GARS1: variants seen among roughly 807,000 people sequenced by gnomAD.
GARS1 encodes the protein glycine--tRNA ligase.
Under a neutral mutation model 86.4 loss-of-function variants are expected in GARS1, and 46 were observed. The observed-to-expected ratio is 0.53, with a 90% CI of 0.42 to 0.68. The LOEUF (loss-of-function observed/expected upper bound fraction) is 0.68, where lower values mean the gene tolerates loss of function less well. GARS1 is among the 30% of genes least tolerant of loss of function. The pLI is 0.00. For synonymous variants in GARS1, 342 were observed against 329.8 expected (o/e 1.04, Z -0.40); for missense variants, 797 against 915.6 (o/e 0.87, Z 1.67).
At chr7:30,600,511 T>A (rs1463022687) in intron 3 of GARS1, among the ~76,000 whole-genome samples, 1 of 152,194 alleles carries the variant, frequency 6.6e-6, no homozygotes, top group East Asian at 1.9e-4. Context: ...CATATGAAGG[T>A]ATATAGGCAA....
intron 6 of GARS1, among the ~76,000 whole-genome samples, chr7:30,604,690 T>C (rs1212924870): frequency 1.3e-5 from 2 of 152,224 alleles, no homozygotes; most frequent in African/African-American, 4.8e-5. Flanking sequence ...TTGAAGCTCA[T>C]TGTTTTAGTA....
Position 30,633,883 on chromosome 7 carries a change from C to T in GARS1, c.*23C>T. 3 of 1,549,808 alleles carry T rather than the reference C, an allele frequency of 1.9e-6. No homozygotes were observed. Among genetic ancestry groups the T allele is most frequent in the Non-Finnish European group, 2.6e-6 (3 of 1,144,162 alleles). On this transcript the variant is annotated 3_prime_UTR_variant, in exon 17 of 17. Coordinates refer to ENST00000389266, the MANE Select transcript of GARS1 (RefSeq NM_002047.4). ...TGAGGACAATTTTGACAACTTTTGA[C>T]CACTTGCGCTAATAAAAAAAAAAAA...
At chr7:30,601,351 A>C (rs1044679573) in intron 4 of GARS1, 151 bp downstream of exon 4, 13 of 691,068 alleles carry the variant, frequency 1.9e-5, no homozygotes, top group Non-Finnish European at 2.6e-5. Context: ...AAAGAAATGT[A>C]TACCTTCTGC....
chr7:30,610,368 T>G (rs1338837299), intron 7 of GARS1, among the ~76,000 whole-genome samples: 1 of 152,242 alleles, frequency 6.6e-6, no homozygotes, highest in African/African-American at 2.4e-5. Context: ...ATTGGAATCT[T>G]TATCTTCTGA....
At chr7:30,616,419 A>G (rs1351500168) in intron 9 of GARS1, among the ~76,000 whole-genome samples, 1 of 152,202 alleles carries the variant, frequency 6.6e-6, no homozygotes, top group Admixed American at 6.5e-5. Flanking sequence ...ACTCTTCTGT[A>G]TTACCCATAG....
Position 30,594,973 on chromosome 7 carries a change from C to A in GARS1, c.52C>A (p.Leu18Met), listed in dbSNP as rs368574634. Residue 18 changes from leucine to methionine, a missense_variant, in exon 1 of 17, where the codon CTG (leucine) becomes ATG (methionine). Leu to Met is a conservative substitution (Grantham distance 15). Transcript: ENST00000389266. ...TAGAGGTGCTCGCGCCGCTCTGCTGCTGCTGCTGCCGCCCCGGCTCTTAGC... is the reference window on the plus strand; with the variant it reads ...TAGAGGTGCTCGCGCCGCTCTGCTGATGCTGCTGCCGCCCCGGCTCTTAGC... ...LLRGARAALL[L>M]LLPPRLLARP... The A allele has an allele frequency of 5.6e-6, 9 of 1,595,172 alleles. No individual in the cohort carries two copies. In the African/African-American group the frequency reaches 1.2e-4, roughly 21 times the overall value.
chr7:30,626,232 A>G lies in GARS1; in HGVS notation c.1614-2A>G. On this transcript the variant is annotated splice_acceptor_variant, in intron 12 of 16. Coordinates refer to ENST00000389266, the MANE Select transcript of GARS1 (RefSeq NM_002047.4). LOFTEE classifies it high-confidence loss of function. ...TACAAAATGTGTTTTGTTTCTTCGTAGGGAATTCACAATTGAAACTGAAGG... is the reference window on the plus strand; with the variant it reads ...TACAAAATGTGTTTTGTTTCTTCGTGGGGAATTCACAATTGAAACTGAAGG... 1 of 1,593,038 alleles carries G rather than the reference A, an allele frequency of 6.3e-7. No homozygotes were observed. The highest frequency in any genetic ancestry group is 2.2e-5 in the East Asian group (1 of 44,742).
At chr7:30,603,150 G>A in intron 5 of GARS1, 28 bp downstream of exon 5, 1 of 1,551,930 alleles carries the variant, frequency 6.4e-7, no homozygotes, top group East Asian at 2.2e-5. Context: ...CTTCAGGTAG[G>A]ATTGATCAAA....
rs181398601 is a variant in GARS1 at position 30,625,507 on chromosome 7, C to A, written c.1614-727C>A. Among the ~76,000 whole-genome samples the A allele has an allele frequency of 8.5e-4, 130 of 152,282 alleles. 1 individual carries two copies. Among genetic ancestry groups the A allele is most frequent in the African/African-American group, 2.9e-3 (120 of 41,568 alleles). ...ACCACATGAGGGCTCTCTATCCTAG[C>A]ACTGAATTGCTTGGGAGGGAGGAGA... On this transcript the variant is annotated intron_variant, in intron 12 of 16. Coordinates refer to ENST00000389266, the MANE Select transcript of GARS1 (RefSeq NM_002047.4).
At chr7:30,615,482 A>T (rs992736352) in intron 8 of GARS1, among the ~76,000 whole-genome samples, 1 of 152,182 alleles carries the variant, frequency 6.6e-6, no homozygotes, top group African/African-American at 2.4e-5. Context: ...TTCCTAATTT[A>T]AAAAACTATA....
At chr7:30,595,964 T>C (rs1791238444) in intron 1 of GARS1, 4 of 467,504 alleles carry the variant, frequency 8.6e-6, no homozygotes, top group South Asian at 6.2e-5. Flanking sequence ...CTGAAGGACT[T>C]GGTGATTTAA....
intron 1 of GARS1, among the ~76,000 whole-genome samples, chr7:30,597,048 TAATAA>T (rs1228800543): frequency 1.3e-5 from 2 of 152,220 alleles, no homozygotes; most frequent in Non-Finnish European, 2.9e-5. Context: ...TTGTGGCCAA[TAATAA>T]AATTCAAACT....
At chr7:30,623,769 G>T (rs1037647634) in intron 12 of GARS1, among the ~76,000 whole-genome samples, 2 of 152,170 alleles carry the variant, frequency 1.3e-5, no homozygotes, top group African/African-American at 2.4e-5. Flanking sequence ...ATGAAGACCC[G>T]TGAGAATCAA....
chr7:30,604,987 C>T (rs958111310), intron 6 of GARS1, among the ~76,000 whole-genome samples: 14 of 152,324 alleles, frequency 9.2e-5, no homozygotes, highest in African/African-American at 3.1e-4. Flanking sequence ...TCTCTTATTT[C>T]AGATCTGTGT....
intron 13 of GARS1, among the ~76,000 whole-genome samples, chr7:30,628,243 G>A (rs190243068): frequency 6.0e-4 from 91 of 150,692 alleles, no homozygotes; most frequent in Non-Finnish European, 9.7e-4. Flanking sequence ...GGAGTGCAAT[G>A]GCACGATCTT....
intron 3 of GARS1, among the ~76,000 whole-genome samples, chr7:30,600,730 A>T (rs973876988): frequency 1.3e-5 from 2 of 152,208 alleles, no homozygotes; most frequent in Non-Finnish European, 2.9e-5. Context: ...GATCATTGTT[A>T]TCAGATGTGG....
chr7:30,612,366 C>T lies in GARS1; in HGVS notation c.1031+121C>T, dbSNP rs1782777404. On this transcript the variant is annotated intron_variant, in intron 8 of 16. Transcript: ENST00000389266. ...CTGATTATGAATTTATTTTTGTTTT[C>T]TCCAAAAATCATGTTTTACATTTGG... 8 of 988,122 alleles carry T rather than the reference C, an allele frequency of 8.1e-6. No homozygotes were observed. In the South Asian group the frequency reaches 1.1e-4, roughly 14 times the overall value. The allele number at this position is 988,122 out of a possible 1,614,324, so 61.2% of individuals were successfully genotyped here. A position where few individuals can be genotyped will look rare whatever the true frequency, so the allele number is the denominator to read the frequency against.
chr7:30,628,729 C>T, intron 14 of GARS1, 60 bp downstream of exon 14: 1 of 1,051,478 alleles, frequency 9.5e-7, no homozygotes, highest in East Asian at 2.4e-5. Flanking sequence ...TTCTGAATTA[C>T]ATTGTGAAGT....
In GARS1 at chr7:30,632,599, G is replaced by A. The variant is rs954332750; in HGVS notation, c.2094+162G>A. On this transcript the variant is annotated intron_variant, in intron 16 of 16. Coordinates refer to ENST00000389266, the MANE Select transcript of GARS1 (RefSeq NM_002047.4). This position sits in a 1 kb window ranked among gnomAD's most constrained non-coding sequence, Gnocchi z 4.1. ...CAGAGCCCAGATTCTCAAGTCCCCC[G>A]GTTTAATTATGAAAATATCCATTAG... Among the ~76,000 whole-genome samples, 3 of 151,702 alleles carry A rather than the reference G, an allele frequency of 2.0e-5. No individual in the cohort carries two copies. The highest frequency in any genetic ancestry group is 2.1e-4 in the South Asian group (1 of 4,804).
Sources: gnomAD v4.1 joint callset for allele counts (sites outside exome capture counted in the v4.1 genomes callset) on GRCh38, gnomAD v4.1.1 for gene constraint, Gnocchi (gnomAD v3.1) non-coding constraint, MANE v1.5 for transcripts, NCBI Gene and HGNC (gene_info 2026-07-23, HGNC 2026-07-21) for gene names.